The following UNC5C variants were observed in gnomAD, a reference collection of about 807,000 sequenced individuals.
The protein encoded by UNC5C is unc-5 netrin receptor C.
UNC5C carries 47 observed loss-of-function variants against 99.8 expected under a neutral mutation model. The observed-to-expected ratio is 0.47, with a 90% CI of 0.37 to 0.60. UNC5C has a LOEUF of 0.60. Among genes scored for constraint, UNC5C ranks in the 20% least tolerant of loss-of-function variants. UNC5C has a pLI of 0.00. For missense variants in UNC5C, 1,062 were observed against 1,165.9 expected (o/e 0.91, Z 1.30); for synonymous variants, 487 against 452.2 (o/e 1.08, Z -0.98).
intron 1 of UNC5C, among the ~76,000 whole-genome samples, chr4:95,527,443 A>C (rs1722527470): frequency 6.6e-6 from 1 of 152,106 alleles, no homozygotes; most frequent in African/African-American, 2.4e-5. Context: ...AATTAAAGAA[A>C]GACTCCTGAT....
intron 1 of UNC5C, among the ~76,000 whole-genome samples, chr4:95,448,444 T>C (rs1747184922): frequency 6.6e-6 from 1 of 152,140 alleles, no homozygotes; most frequent in Admixed American, 6.5e-5. Context: ...TCTGTCTACC[T>C]CTTGGGATTA....
rs536039867 is a variant in UNC5C, at chr4:95,424,518, C to CTTTTTTTTTTT, written c.125-88898_125-88888dup. On this transcript the variant is annotated intron_variant, in intron 1 of 15. Coordinates refer to ENST00000453304, the MANE Select transcript of UNC5C (RefSeq NM_003728.4). ...GGCTTCAGAATTTTTTTTTTCTTTT[C>CTTTTTTTTTTT]TTTTTTTTTTTTTTTTTTTTTGAGA... 1.4e-3 allele frequency among the ~76,000 whole-genome samples: 94 copies of CTTTTTTTTTTT among 67,960 alleles called. 10 individuals carry two copies. The highest frequency in any genetic ancestry group is 4.9e-3 in the African/African-American group (83 of 16,828). The allele number at this position is 67,960 out of a possible 152,430, so 44.6% of individuals were successfully genotyped here.
intron 1 of UNC5C, among the ~76,000 whole-genome samples, chr4:95,542,677 T>C (rs895374374): frequency 6.6e-6 from 1 of 152,286 alleles, no homozygotes; most frequent in East Asian, 1.9e-4. Flanking sequence ...ATTTTTTTAA[T>C]TCTGAAATTT....
At chr4:95,236,629 A>G (rs890845991) in intron 7 of UNC5C, among the ~76,000 whole-genome samples, 1 of 151,930 alleles carries the variant, frequency 6.6e-6, no homozygotes, top group African/African-American at 2.4e-5. Flanking sequence ...GAAAGCATAT[A>G]GAAAAAGAAA....
chr4:95,302,918 G>T (rs1368276026), intron 2 of UNC5C, among the ~76,000 whole-genome samples: 1 of 152,096 alleles, frequency 6.6e-6, no homozygotes, highest in Non-Finnish European at 1.5e-5. Flanking sequence ...AGGTTCAATT[G>T]CATTCAATGC....
intron 1 of UNC5C, among the ~76,000 whole-genome samples, chr4:95,524,893 G>T (rs1722459265): frequency 6.6e-6 from 1 of 152,166 alleles, no homozygotes; most frequent in Non-Finnish European, 1.5e-5. Flanking sequence ...CTCTATGGGG[G>T]TCTGTTTCCT....
chr4:95,522,207 C>T (rs1361330360), intron 1 of UNC5C, among the ~76,000 whole-genome samples: 1 of 151,848 alleles, frequency 6.6e-6, no homozygotes, highest in Non-Finnish European at 1.5e-5. Flanking sequence ...TACTCTAATA[C>T]TCTATATTTT....
intron 1 of UNC5C, among the ~76,000 whole-genome samples, chr4:95,512,342 T>A: frequency 6.6e-6 from 1 of 152,186 alleles, no homozygotes; most frequent in East Asian, 1.9e-4. Context: ...ATTCTTAGGC[T>A]TACAGATCAT....
At chr4:95,530,872 G>C (rs1421340584) in intron 1 of UNC5C, among the ~76,000 whole-genome samples, 1 of 152,120 alleles carries the variant, frequency 6.6e-6, no homozygotes, top group Admixed American at 6.5e-5. Flanking sequence ...ATATGAATAT[G>C]AAATCAAGAT....
chr4:95,426,344 A>G (rs1302949349), intron 1 of UNC5C, among the ~76,000 whole-genome samples: 2 of 152,220 alleles, frequency 1.3e-5, no homozygotes, highest in African/African-American at 4.8e-5. Context: ...TTGCTTCAGC[A>G]ATGAGCCATT....
intron 7 of UNC5C, among the ~76,000 whole-genome samples, chr4:95,223,250 A>C (rs970334122): frequency 1.3e-4 from 20 of 152,218 alleles, no homozygotes; most frequent in Non-Finnish European, 2.9e-5. Context: ...AAGATTTACT[A>C]TTCTGCTACA....
intron 1 of UNC5C, among the ~76,000 whole-genome samples, chr4:95,504,361 T>C (rs565527737): frequency 1.3e-5 from 2 of 152,158 alleles, no homozygotes; most frequent in Non-Finnish European, 2.9e-5. Flanking sequence ...TTTCTTTAAC[T>C]TTCTGTCTTC....
chr4:95,524,335 A>G (rs1722443201), intron 1 of UNC5C, among the ~76,000 whole-genome samples: 1 of 152,174 alleles, frequency 6.6e-6, no homozygotes. Flanking sequence ...TGAGGATTAA[A>G]AGAGATAAGA....
chr4:95,488,262 A>G (rs1245587487), intron 1 of UNC5C, among the ~76,000 whole-genome samples: 2 of 151,798 alleles, frequency 1.3e-5, no homozygotes, highest in Non-Finnish European at 2.9e-5. Flanking sequence ...AGTGCTATGT[A>G]CACAATATAC....
intron 1 of UNC5C, among the ~76,000 whole-genome samples, chr4:95,412,246 T>G (rs1163582238): frequency 6.6e-6 from 1 of 152,144 alleles, no homozygotes. Context: ...CAAACTACCC[T>G]TCTCAATCCT....
chr4:95,220,573 A>G (rs967116758), intron 7 of UNC5C, among the ~76,000 whole-genome samples: 3 of 152,200 alleles, frequency 2.0e-5, no homozygotes, highest in Non-Finnish European at 4.4e-5. Context: ...ACTGTTAGAA[A>G]TATCTGGCAT....
intron 1 of UNC5C, among the ~76,000 whole-genome samples, chr4:95,435,451 G>T (rs1190118438): frequency 2.0e-5 from 3 of 151,958 alleles, no homozygotes; most frequent in African/African-American, 7.2e-5. Context: ...TTAAAAACAT[G>T]AATTACTAAC....
chr4:95,191,336 C>G (rs1033778905), intron 12 of UNC5C, among the ~76,000 whole-genome samples: 6 of 152,318 alleles, frequency 3.9e-5, no homozygotes, highest in African/African-American at 1.4e-4. Context: ...CCCCAGGCAA[C>G]AGAGTGGCAT....
intron 1 of UNC5C, among the ~76,000 whole-genome samples, chr4:95,424,232 C>A (rs539338846): frequency 6.6e-6 from 1 of 152,114 alleles, no homozygotes; most frequent in Admixed American, 6.5e-5. Flanking sequence ...ACCGGAATAA[C>A]CTTTGACATC....
Sources: gnomAD v4.1 joint callset for allele counts (sites outside exome capture counted in the v4.1 genomes callset) on GRCh38, gnomAD v4.1.1 for gene constraint, MANE v1.5 for transcripts, NCBI Gene and HGNC (gene_info 2026-07-23, HGNC 2026-07-21) for gene names.